PAQR3: variants seen among roughly 807,000 people sequenced by gnomAD.
PAQR3 encodes Raf kinase trapping to Golgi.
PAQR3 carries 39 observed loss-of-function variants against 41.7 expected under a neutral mutation model. The observed-to-expected ratio is 0.93, with a 90% CI of 0.72 to 1.22. The LOEUF is 1.22. Ranked by LOEUF, PAQR3 falls within the 50% of genes most tolerant of loss-of-function variation. The probability of loss-of-function intolerance (pLI) is 0.00; values close to 1 mark genes in which losing one functional copy is unlikely to be tolerated. For synonymous variants in PAQR3, 140 were observed against 140.6 expected (o/e 1.00, Z 0.03); for missense variants, 366 against 385.6 (o/e 0.95, Z 0.42).
At chr4:78,909,882 A>G (rs1004427490), downstream of PAQR3, among the ~76,000 whole-genome samples, 6 of 152,222 alleles carry the variant, frequency 3.9e-5, no homozygotes, top group African/African-American at 1.2e-4. Context: ...CTTTCGTTGA[A>G]TGAACTCAGA....
chr4:78,911,752 T>A (rs1320849838), downstream of PAQR3: 1 of 1,613,994 alleles, frequency 6.2e-7, no homozygotes, highest in Admixed American at 1.7e-5. Context: ...GTTGGACCCC[T>A]TCGGTGCCAA....
chr4:78,930,400 A>G, intron 2 of PAQR3, 75 bp from the exon 3 acceptor site: 1 of 1,444,946 alleles, frequency 6.9e-7, no homozygotes, highest in Non-Finnish European at 9.3e-7. Context: ...TCAGGGAAGT[A>G]GTTAAGAGGC....
chr4:78,893,560 T>G (rs544880766), intron 11 of PAQR3, among the ~76,000 whole-genome samples: 1 of 152,356 alleles, frequency 6.6e-6, no homozygotes, highest in South Asian at 2.1e-4. Context: ...TGAAATGTAT[T>G]TCTTAAATAA....
intron 11 of PAQR3, among the ~76,000 whole-genome samples, chr4:78,904,796 A>G (rs1734203536): frequency 6.6e-6 from 1 of 151,956 alleles, no homozygotes; most frequent in Non-Finnish European, 1.5e-5. Context: ...GAAATGGCTT[A>G]ATTATTAATT....
At chr4:78,893,842 G>A (rs1333050853) in intron 11 of PAQR3, among the ~76,000 whole-genome samples, 1 of 152,190 alleles carries the variant, frequency 6.6e-6, no homozygotes, top group Non-Finnish European at 1.5e-5. Context: ...TGGGATTATA[G>A]TGTGAGCCAC....
rs1200178979 is a variant in PAQR3 at position 78,915,819 on chromosome 4, T to A, written c.*4720A>T. The A allele has an allele frequency of 6.6e-6, 1 of 151,962 alleles. No individual in the cohort carries two copies. Among genetic ancestry groups the A allele is most frequent in the East Asian group, 1.9e-4 (1 of 5,198 alleles). 9.4% of individuals were successfully genotyped at this position (151,962 alleles called of 1,614,324 possible). A position where few individuals can be genotyped will look rare whatever the true frequency, so the allele number is the denominator to read the frequency against. On this transcript the variant is annotated 3_prime_UTR_variant, in exon 6 of 6. Coordinates refer to ENST00000512733, the MANE Select transcript of PAQR3 (RefSeq NM_001040202.2). ...ATTTGGGGTTATTTTTGTTTTATTT[T>A]AAAATTTATACTGCTACTTTTGAAA...
rs1428286559 is a variant in PAQR3, at chr4:78,922,406, C to G, written c.793+1451G>C. 13 of 1,288,882 alleles carry G rather than the reference C, an allele frequency of 1.0e-5. 1 individual carries two copies. In the South Asian group the frequency reaches 1.5e-4, roughly 15 times the overall value. 79.8% of individuals were successfully genotyped at this position (1,288,882 alleles called of 1,614,324 possible). A position where few individuals can be genotyped will look rare whatever the true frequency, so the allele number is the denominator to read the frequency against. On this transcript the variant is annotated intron_variant, in intron 5 of 5. Transcript: ENST00000512733. ...GAGTGGTACAATCCCTTCTCTGATTCACCGTGGAAGTGATTCTTAACCCAG... is the reference window on the plus strand; with the variant it reads ...GAGTGGTACAATCCCTTCTCTGATTGACCGTGGAAGTGATTCTTAACCCAG...
downstream of PAQR3, among the ~76,000 whole-genome samples, chr4:78,910,123 A>G (rs1305724280): frequency 2.6e-5 from 4 of 152,234 alleles, no homozygotes; most frequent in Admixed American, 2.6e-4. Context: ...TTTATAAAAA[A>G]TACAATGCTG....
rs1734960591 is a variant in PAQR3, at chr4:78,915,458, C to G, written c.*5081G>C. The G allele has an allele frequency of 1.3e-5, 2 of 151,754 alleles. No homozygotes were observed. The highest frequency in any genetic ancestry group is 2.1e-4 in the South Asian group (1 of 4,810). 9.4% of individuals were successfully genotyped at this position (151,754 alleles called of 1,614,324 possible). On this transcript the variant is annotated 3_prime_UTR_variant, in exon 6 of 6. Coordinates refer to ENST00000512733, the MANE Select transcript of PAQR3 (RefSeq NM_001040202.2). Reference sequence around the variant, plus strand: ...TAATATATTTAGAATGTGCAGTAAACTTTTTTCTCATTTTTTTTTCTTTTT... The same window carrying G: ...TAATATATTTAGAATGTGCAGTAAAGTTTTTTCTCATTTTTTTTTCTTTTT...
Position 78,919,480 on chromosome 4 carries a change from T to G in PAQR3, c.*1059A>C, listed in dbSNP as rs1189837362. On this transcript the variant is annotated 3_prime_UTR_variant, in exon 6 of 6. Transcript: ENST00000512733. ...CCAAATATTAAGTGTTTATCAAGAT[T>G]CTGAGTTATCAATGCAATGCTAACA... 1 of 984,970 alleles carries G rather than the reference T, an allele frequency of 1.0e-6. No individual in the cohort carries two copies. Among genetic ancestry groups the G allele is most frequent in the Non-Finnish European group, 1.2e-6 (1 of 829,726 alleles). The allele number at this position is 984,970 out of a possible 1,614,324, so 61.0% of individuals were successfully genotyped here.
At position 78,920,400 on chromosome 4, in the gene PAQR3, T is replaced by C. The variant is rs1032552422; in HGVS notation, c.*139A>G. On this transcript the variant is annotated 3_prime_UTR_variant, in exon 6 of 6. Transcript: ENST00000512733. ...TTACTACAGATCCTTAAGTATACTT[T>C]TTTTCCCATTTTTATAAAGCATTAC... 3.8e-6 allele frequency: 5 copies of C among 1,305,226 alleles called. No homozygotes were observed. The Admixed American group carries it at 1.0e-4, about 27-fold the overall frequency. 80.9% of individuals were successfully genotyped at this position (1,305,226 alleles called of 1,614,324 possible). A position where few individuals can be genotyped will look rare whatever the true frequency, so the allele number is the denominator to read the frequency against.
chr4:78,926,775 A>G, intron 3 of PAQR3, 57 bp from the exon 4 acceptor site: 1 of 1,534,630 alleles, frequency 6.5e-7, no homozygotes, highest in Non-Finnish European at 9.0e-7. Context: ...GGAACTGAAA[A>G]AGTAATTTTG....
Position 78,939,406 on chromosome 4 carries a change from C to G in PAQR3, c.-182G>C, listed in dbSNP as rs888736069. ...TCACACCGGCCACTGCCGCCAGCGC[C>G]GCGGCGGACCCGGCAGCGTCGCAGC... is the stretch of plus-strand genomic sequence containing the variant. On this transcript the variant is annotated 5_prime_UTR_variant, in exon 1 of 6. Transcript: ENST00000512733. 60 of 333,520 alleles carry G rather than the reference C, an allele frequency of 1.8e-4. No individual in the cohort carries two copies. Among genetic ancestry groups the G allele is most frequent in the Non-Finnish European group, 2.7e-4 (56 of 203,656 alleles). 20.7% of individuals were successfully genotyped at this position (333,520 alleles called of 1,614,324 possible).
chr4:78,908,847 T>G (rs1369564510), downstream of PAQR3, among the ~76,000 whole-genome samples: 1 of 152,110 alleles, frequency 6.6e-6, no homozygotes, highest in East Asian at 1.9e-4. Context: ...TGCATAATAA[T>G]CACATCAGGG....
chr4:78,912,137 A>T lies in PAQR3; in HGVS notation c.*8402T>A, dbSNP rs1734669289. On this transcript the variant is annotated 3_prime_UTR_variant, in exon 6 of 6. Transcript: ENST00000512733. ...GTAGCTCTTTATAGCATTCATTCTT[A>T]AAGATCAGTCAGAATAGGTGATTTC... 1.1e-5 allele frequency: 11 copies of T among 1,031,700 alleles called. No homozygotes were observed. The highest frequency in any genetic ancestry group is 1.6e-5 in the African/African-American group (1 of 62,398). 63.9% of individuals were successfully genotyped at this position (1,031,700 alleles called of 1,614,324 possible). A position where few individuals can be genotyped will look rare whatever the true frequency, so the allele number is the denominator to read the frequency against.
At chr4:78,924,880 C>T (rs1229318322) in intron 4 of PAQR3, among the ~76,000 whole-genome samples, 1 of 152,060 alleles carries the variant, frequency 6.6e-6, no homozygotes, top group Non-Finnish European at 1.5e-5. Flanking sequence ...CCTTCCTCTT[C>T]AAATATGAGA....
rs372476820 is a variant in PAQR3, at chr4:78,930,328, G to A, written c.349-3C>T. On this transcript the variant is annotated splice_region_variant and splice_polypyrimidine_tract_variant and intron_variant, in intron 2 of 5. Transcript: ENST00000512733. ...CCCACAGAGCAAAGCATACAGACCT[G>A]TGAAAAATAAAAACAAATTAACAAA... is the stretch of plus-strand genomic sequence containing the variant. 1.9e-6 allele frequency: 3 copies of A among 1,587,500 alleles called. No homozygotes were observed. The highest frequency in any genetic ancestry group is 2.6e-6 in the Non-Finnish European group (3 of 1,172,370).
rs760552885 is a variant in PAQR3 at position 78,926,562 on chromosome 4, A to C, written c.661T>G (p.Trp221Gly). 40 of 1,614,014 alleles carry C rather than the reference A, an allele frequency of 2.5e-5. No individual in the cohort carries two copies. Among genetic ancestry groups the C allele is most frequent in the Non-Finnish European group, 3.4e-5 (40 of 1,179,912 alleles). ...CCAATTCCTCCATTGAGCCAAACCC[A>C]GTGAAGAGTAGGAATCACTCCATAT... ...SGYGVIPTLH[W>G]VWLNGGIGAP... is the part of the protein sequence containing the mutation. Residue 221 changes from tryptophan (W) to glycine (G), a missense_variant, in exon 4 of 6, where the codon TGG becomes GGG. Trp to Gly is a radical substitution (Grantham distance 184). Coordinates refer to ENST00000512733, the MANE Select transcript of PAQR3 (RefSeq NM_001040202.2).
intron 1 of PAQR3, among the ~76,000 whole-genome samples, chr4:78,937,837 G>A (rs1238881454): frequency 3.3e-5 from 5 of 152,210 alleles, no homozygotes; most frequent in Non-Finnish European, 7.3e-5. Context: ...GAAGACCACT[G>A]CTAGTTGAGT....
Sources: gnomAD v4.1 joint callset for allele counts (sites outside exome capture counted in the v4.1 genomes callset) on GRCh38, gnomAD v4.1.1 for gene constraint, MANE v1.5 for transcripts, NCBI Gene and HGNC (gene_info 2026-07-23, HGNC 2026-07-21) for gene names.